PLEKHG1: variants seen among roughly 807,000 people sequenced by gnomAD.
PLEKHG1 encodes the protein pleckstrin homology and RhoGEF domain containing G1.
PLEKHG1 carries 44 observed loss-of-function variants against 100.8 expected under a neutral mutation model. The ratio of observed to expected loss-of-function variants is 0.44; its 90% CI spans 0.34 to 0.56. The LOEUF is 0.56. Ranked by LOEUF, PLEKHG1 falls within the 20% of genes least tolerant of loss-of-function variation. The probability of loss-of-function intolerance (pLI) is 0.01; values close to 1 mark genes in which losing one functional copy is unlikely to be tolerated. For missense variants in PLEKHG1, 1,545 were observed against 1,720.9 expected, an observed-to-expected ratio of 0.90 and a Z score of 1.81; for synonymous variants, 640 against 662.5, an observed-to-expected ratio of 0.97 and a Z score of 0.52.
chr6:150,724,086 G>A (rs1233177582), intron 1 of PLEKHG1, among the ~76,000 whole-genome samples: 1 of 152,238 alleles, frequency 6.6e-6, no homozygotes, highest in Non-Finnish European at 1.5e-5. Context: ...GGCATGTCTA[G>A]CACCAGTGAC....
chr6:150,794,780 G>C (rs1290032401), intron 4 of PLEKHG1, among the ~76,000 whole-genome samples: 5 of 152,076 alleles, frequency 3.3e-5, no homozygotes, highest in Non-Finnish European at 1.5e-5. Flanking sequence ...GTGGGGCAGA[G>C]ACGAGGAGTT....
intron 1 of PLEKHG1, among the ~76,000 whole-genome samples, chr6:150,602,742 G>T (rs1434557524): frequency 6.6e-6 from 1 of 152,158 alleles, no homozygotes; most frequent in Admixed American, 6.5e-5. Context: ...TGGACTGTCA[G>T]AACTGTGATT....
chr6:150,788,455 C>G (rs1583132659), intron 4 of PLEKHG1, among the ~76,000 whole-genome samples: 1 of 152,178 alleles, frequency 6.6e-6, no homozygotes, highest in East Asian at 1.9e-4. Flanking sequence ...CATCTTTGAC[C>G]TTGCTTACTG....
chr6:150,783,169 T>TAAAAAAAAAAAAA (rs71014520), intron 3 of PLEKHG1, among the ~76,000 whole-genome samples: 1 of 79,460 alleles, frequency 1.3e-5, no homozygotes, highest in African/African-American at 4.1e-5. Context: ...GAAAAAAAAC[T>TAAAAAAAAAAAAA]AAAAAAAAAA....
intron 3 of PLEKHG1, among the ~76,000 whole-genome samples, chr6:150,703,009 A>G (rs1780861316): frequency 1.3e-5 from 2 of 152,244 alleles, no homozygotes; most frequent in South Asian, 4.1e-4. Context: ...AAAACAAAAA[A>G]CCTCAGCAAG....
chr6:150,759,752 C>A (rs748880354), intron 2 of PLEKHG1, among the ~76,000 whole-genome samples: 2 of 152,114 alleles, frequency 1.3e-5, no homozygotes, highest in Non-Finnish European at 2.9e-5. Flanking sequence ...TGCCTATAAG[C>A]CCAGCACTTT....
intron 1 of PLEKHG1, among the ~76,000 whole-genome samples, chr6:150,723,337 T>C (rs780835587): frequency 6.6e-6 from 1 of 152,234 alleles, no homozygotes; most frequent in Non-Finnish European, 1.5e-5. Context: ...TGAAATGTGT[T>C]TATACAGAGG....
intron 3 of PLEKHG1, among the ~76,000 whole-genome samples, chr6:150,662,167 C>T (rs1323617383): frequency 6.6e-6 from 1 of 152,182 alleles, no homozygotes; most frequent in African/African-American, 2.4e-5. Flanking sequence ...AAATGTTTTT[C>T]TCCTCCTGTC....
chr6:150,621,705 G>A (rs533371047), intron 1 of PLEKHG1, among the ~76,000 whole-genome samples: 12 of 152,110 alleles, frequency 7.9e-5, no homozygotes, highest in East Asian at 5.8e-4. Context: ...CTATAAGCCC[G>A]CAATTTGAAA....
chr6:150,759,781 G>T (rs1009345175), intron 2 of PLEKHG1, among the ~76,000 whole-genome samples: 3 of 152,034 alleles, frequency 2.0e-5, no homozygotes, highest in African/African-American at 7.2e-5. Context: ...GAGGTGGGAG[G>T]ATCACTTGAG....
intron 3 of PLEKHG1, among the ~76,000 whole-genome samples, chr6:150,715,494 T>C (rs906755895): frequency 4.7e-5 from 7 of 150,178 alleles, no homozygotes; most frequent in African/African-American, 1.7e-4. Flanking sequence ...CTTTTTCTTT[T>C]TTTTTTTTTT....
At chr6:150,750,747 C>T (rs1186237330) in intron 2 of PLEKHG1, among the ~76,000 whole-genome samples, 1 of 126,358 alleles carries the variant, frequency 7.9e-6, no homozygotes, top group African/African-American at 3.6e-5. Flanking sequence ...CGCCACTGCA[C>T]TCCAGCCTGG....
intron 6 of PLEKHG1, among the ~76,000 whole-genome samples, chr6:150,802,806 G>A (rs527794218): frequency 5.9e-5 from 9 of 151,854 alleles, no homozygotes; most frequent in Non-Finnish European, 8.8e-5. Context: ...GACTACAGGC[G>A]CGCACCACCA....
At chr6:150,681,592 T>G (rs1481674432) in intron 3 of PLEKHG1, among the ~76,000 whole-genome samples, 2 of 152,202 alleles carry the variant, frequency 1.3e-5, no homozygotes, top group Non-Finnish European at 2.9e-5. Flanking sequence ...TCCATGTTCT[T>G]TGTATTGAGA....
intron 3 of PLEKHG1, among the ~76,000 whole-genome samples, chr6:150,656,574 A>G (rs1279501740): frequency 6.6e-6 from 1 of 152,184 alleles, no homozygotes. Flanking sequence ...GGTTTCCCAA[A>G]CTTCATTAAG....
chr6:150,671,532 A>G (rs1466756221), intron 3 of PLEKHG1, among the ~76,000 whole-genome samples: 1 of 152,248 alleles, frequency 6.6e-6, no homozygotes, highest in African/African-American at 2.4e-5. Flanking sequence ...CTCTGAGCCA[A>G]CATTTATGGA....
chr6:150,699,229 T>G (rs956477817), intron 3 of PLEKHG1, among the ~76,000 whole-genome samples: 3 of 152,200 alleles, frequency 2.0e-5, no homozygotes, highest in African/African-American at 7.2e-5. Context: ...CAGTTTCTTA[T>G]AGATTTATAC....
intron 1 of PLEKHG1, among the ~76,000 whole-genome samples, chr6:150,730,119 G>C (rs1782165771): frequency 1.3e-5 from 2 of 152,116 alleles, no homozygotes; most frequent in South Asian, 4.2e-4. Context: ...TCAATGTAGT[G>C]CCAAGAGTTT....
At chr6:150,781,868 TTCACGCCATTC>T (rs1216636779) in intron 3 of PLEKHG1, among the ~76,000 whole-genome samples, 1 of 150,820 alleles carries the variant, frequency 6.6e-6, no homozygotes, top group Non-Finnish European at 1.5e-5. Context: ...ACCTCCCGGG[TTCACGCCATTC>T]TCCTGCCTCA....
Sources: allele counts gnomAD v4.1 joint callset (sites outside exome capture counted in the v4.1 genomes callset), GRCh38; gene constraint gnomAD v4.1.1; transcripts MANE v1.5; gene names NCBI Gene and HGNC (gene_info 2026-07-23, HGNC 2026-07-21).